NF1: variants seen among roughly 807,000 people sequenced by gnomAD.
NF1 encodes neurofibromin.
In NF1, 122 loss-of-function variants were observed where a neutral mutation model predicts 325.7. That is an observed-to-expected ratio of 0.37 (90% CI 0.32 to 0.44). NF1 has a LOEUF of 0.44. Among genes scored for constraint, NF1 ranks in the 20% least tolerant of loss-of-function variants. The pLI, the probability that NF1 is intolerant of heterozygous loss-of-function variation, is 1.00. For synonymous variants in NF1, 1,091 were observed against 1,186.0 expected, an observed-to-expected ratio of 0.92 and a Z score of 1.65; for missense variants, 2,140 against 3,415.4, an observed-to-expected ratio of 0.63 and a Z score of 9.31.
intron 1 of NF1, among the ~76,000 whole-genome samples, chr17:31,116,928 C>T (rs778810336): frequency 1.8e-4 from 27 of 151,862 alleles, no homozygotes; most frequent in Non-Finnish European, 2.8e-4. Flanking sequence ...TCACCTTCCT[C>T]GGCCTCCCAA....
chr17:31,352,067 T>TA (rs1444517094), intron 50 of NF1, among the ~76,000 whole-genome samples, 190 bp from the exon 51 acceptor site: 3 of 152,162 alleles, frequency 2.0e-5, no homozygotes, highest in Non-Finnish European at 4.4e-5. Flanking sequence ...ATGTGCAAGA[T>TA]ACTATGGCAA....
intron 1 of NF1, among the ~76,000 whole-genome samples, chr17:31,141,256 GT>G (rs1916192845): frequency 6.6e-6 from 1 of 150,470 alleles, no homozygotes; most frequent in South Asian, 2.1e-4. Flanking sequence ...TAACTTTGTG[GT>G]TGTATCTGTA....
intron 36 of NF1, among the ~76,000 whole-genome samples, chr17:31,299,138 AAAAG>A (rs1268865379): frequency 1.3e-5 from 2 of 152,090 alleles, no homozygotes; most frequent in African/African-American, 4.8e-5. Flanking sequence ...AAAATTCTCA[AAAAG>A]AAAAAGGGAG....
intron 1 of NF1, among the ~76,000 whole-genome samples, chr17:31,152,404 G>C (rs1917008771): frequency 1.3e-5 from 2 of 149,736 alleles, no homozygotes; most frequent in Admixed American, 6.7e-5. Flanking sequence ...TTATTCCATT[G>C]GTTTGGTTTC....
intron 31 of NF1, among the ~76,000 whole-genome samples, chr17:31,256,833 T>TA (rs1234327181): frequency 6.6e-6 from 1 of 152,200 alleles, no homozygotes; most frequent in Admixed American, 6.5e-5. Context: ...ATAAACACTG[T>TA]AACATAAAGA....
At chr17:31,154,053 ATTTTTTTTTTTTT>A (rs67332557) in intron 1 of NF1, among the ~76,000 whole-genome samples, 4 of 52,714 alleles carry the variant, frequency 7.6e-5, no homozygotes, top group Non-Finnish European at 1.4e-4. Flanking sequence ...AGTTTCTTTG[ATTTTTTTTTTTTT>A]TTTTTTTTTT....
chr17:31,194,737 A>C (rs1468526471), intron 8 of NF1, among the ~76,000 whole-genome samples: 1 of 152,134 alleles, frequency 6.6e-6, no homozygotes, highest in Non-Finnish European at 1.5e-5. Context: ...GATAGTTTCT[A>C]TGTTATTTAA....
At chr17:31,132,374 T>C (rs1483861261) in intron 1 of NF1, among the ~76,000 whole-genome samples, 4 of 152,072 alleles carry the variant, frequency 2.6e-5, no homozygotes, top group Non-Finnish European at 2.9e-5. Flanking sequence ...ACACCGTTTC[T>C]ACTAAAAATA....
At position 31,366,366 on chromosome 17, in the gene NF1, T is replaced by G. The variant is rs550014931; in HGVS notation, c.8377+5663T>G. ...TTCATCGTTACTTTAGACTCCCTTC[T>G]TCCATTTTTATTTCTGGCCTTGGTC... On this transcript the variant is annotated intron_variant, in intron 57 of 57. Transcript: ENST00000358273. Among the ~76,000 whole-genome samples, 4 of 152,342 alleles carry G rather than the reference T, an allele frequency of 2.6e-5. No individual in the cohort carries two copies. In the South Asian group the frequency reaches 8.3e-4, roughly 32 times the overall value.
rs55865524 is a variant in NF1, at chr17:31,352,383, A to C, written c.7584A>C (p.Gln2528His). The change falls in exon 51 of 58, where the codon CAA becomes CAC. Residue 2528 changes from glutamine to histidine, a missense_variant. This residue lies in a region of NF1 where 522 missense variants were observed against 749.0 expected (regional missense o/e 0.70). Coordinates refer to ENST00000358273, the MANE Select transcript of NF1 (RefSeq NM_001042492.3). Reference protein sequence around the residue: ...ARKSMSLDMGQPSQANTKKLL... With the variant: ...ARKSMSLDMGHPSQANTKKLL... ...AATCCATGAGCCTGGACATGGGGCA[A>C]CCTTCTCAGGCCAACACTAAGAAGT... The C allele has an allele frequency of 1.2e-6, 2 of 1,614,050 alleles. No homozygotes were observed. The highest frequency in any genetic ancestry group is 1.7e-6 in the Non-Finnish European group (2 of 1,179,974).
chr17:31,137,104 T>C (rs550167236), intron 1 of NF1: 1 of 152,318 alleles, frequency 6.6e-6, no homozygotes, highest in South Asian at 2.1e-4. Context: ...TTCTCTCCAG[T>C]TGTTTTTTTA....
chr17:31,197,106 G>A (rs530205780), intron 8 of NF1, among the ~76,000 whole-genome samples: 16 of 151,520 alleles, frequency 1.1e-4, no homozygotes, highest in Middle Eastern at 3.4e-3. Flanking sequence ...GTACAGTGGC[G>A]CGATCTCGGC....
Position 31,260,329 on chromosome 17 carries a change from A to G in NF1, c.4431-40A>G, listed in dbSNP as rs763106656. ...TTAATTCAAACATAAGTCTGGGTGT[A>G]TCTGGTGTTGAAAATTCTAATGACT... is the stretch of plus-strand genomic sequence containing the variant. On this transcript the variant is annotated intron_variant, in intron 33 of 57. Transcript: ENST00000358273. The G allele has an allele frequency of 2.5e-6, 4 of 1,600,962 alleles. No homozygotes were observed. The South Asian group carries it at 4.4e-5, about 18-fold the overall frequency.
At chr17:31,140,114 C>A (rs1298361274) in intron 1 of NF1, among the ~76,000 whole-genome samples, 1 of 152,184 alleles carries the variant, frequency 6.6e-6, no homozygotes, top group Non-Finnish European at 1.5e-5. Context: ...AGATACCTTC[C>A]CTGCTCCCAT....
rs869113407 is a variant in NF1 at position 31,175,345 on chromosome 17, C to CTTTTTTTTTTTTTTTTTTTTTTTT, written c.586+5371_586+5372insTTTTTTTTTTTTTTTTTTTTTTTT. Among the ~76,000 whole-genome samples the CTTTTTTTTTTTTTTTTTTTTTTTT allele has an allele frequency of 4.2e-5, 3 of 71,348 alleles. 1 individual carries two copies. Among genetic ancestry groups the CTTTTTTTTTTTTTTTTTTTTTTTT allele is most frequent in the Non-Finnish European group, 2.5e-5 (1 of 40,626 alleles). 46.8% of individuals were successfully genotyped at this position (71,348 alleles called of 152,430 possible). On this transcript the variant is annotated intron_variant, in intron 5 of 57. Coordinates refer to ENST00000358273, the MANE Select transcript of NF1 (RefSeq NM_001042492.3). ...TTTCCCATAAACACCTGTGCTTTTG[C>CTTTTTTTTTTTTTTTTTTTTTTTT]TTTTTTTTTTTTTTTTTTTTTTTGG...
At chr17:31,182,433 T>C (rs1205696464) in intron 7 of NF1, 75 bp from the exon 8 acceptor site, 9 of 1,454,808 alleles carry the variant, frequency 6.2e-6, no homozygotes, top group Non-Finnish European at 6.7e-6. Context: ...GGTTTTTACA[T>C]AGTGTCAGCT....
intron 15 of NF1, chr17:31,222,603 T>C: frequency 1.1e-6 from 1 of 930,322 alleles, no homozygotes; most frequent in East Asian, 6.9e-5. Context: ...GTTAAAAACT[T>C]TTTTACTTAC....
At chr17:31,318,530 T>A in intron 36 of NF1, 1 of 1,614,104 alleles carries the variant, frequency 6.2e-7, no homozygotes, top group Non-Finnish European at 8.5e-7. Flanking sequence ...GAAGAGACTT[T>A]GTTTGCCAAA....
chr17:31,099,054 A>G (rs1309551723), intron 1 of NF1, among the ~76,000 whole-genome samples: 6 of 151,038 alleles, frequency 4.0e-5, no homozygotes, highest in Non-Finnish European at 5.9e-5. Flanking sequence ...TTTCCTTCTT[A>G]TTACAGCTAA....
Sources: allele counts gnomAD v4.1 joint callset (sites outside exome capture counted in the v4.1 genomes callset), GRCh38; gene constraint gnomAD v4.1.1; regional missense constraint gnomAD v4.1.1; transcripts MANE v1.5; gene names NCBI Gene and HGNC (gene_info 2026-07-23, HGNC 2026-07-21).